Variants in TOX2 observed in about 807,000 individuals in gnomAD.
TOX2 encodes granulosa cell HMG box 1.
TOX2 carries 15 observed loss-of-function variants against 47.4 expected under a neutral mutation model. That is an observed-to-expected ratio of 0.32 (90% confidence interval 0.21 to 0.49). The LOEUF (loss-of-function observed/expected upper bound fraction) is 0.49. TOX2 is among the 20% of genes least tolerant of loss of function. The pLI is 0.99. For missense variants in TOX2, 622 were observed against 673.1 expected (o/e 0.92, Z 0.84); for synonymous variants, 290 against 296.6 (o/e 0.98, Z 0.23).
intron 1 of TOX2, among the ~76,000 whole-genome samples, chr20:43,949,421 A>G (rs2069522735): frequency 6.6e-6 from 1 of 152,198 alleles, no homozygotes; most frequent in South Asian, 2.1e-4. Context: ...CCTGATGCGC[A>G]CATCCCTCCC....
intron 2 of TOX2, among the ~76,000 whole-genome samples, chr20:43,985,222 G>A (rs985879461): frequency 6.6e-5 from 10 of 152,174 alleles, no homozygotes; most frequent in Non-Finnish European, 4.4e-5. Context: ...ATCTCTGAGG[G>A]ACCTTCCGGG....
At chr20:44,005,396 C>T (rs769504297) in intron 2 of TOX2, among the ~76,000 whole-genome samples, 7 of 152,214 alleles carry the variant, frequency 4.6e-5, no homozygotes, top group Non-Finnish European at 7.3e-5. Context: ...TAGGTCTAAT[C>T]TGTTCCAGAG....
intron 3 of TOX2, among the ~76,000 whole-genome samples, chr20:44,027,527 C>T (rs979387514): frequency 3.3e-5 from 5 of 152,272 alleles, no homozygotes; most frequent in African/African-American, 9.6e-5. Flanking sequence ...TTCTGTGTCT[C>T]CTGCTCCAGT....
chr20:44,048,143 C>G (rs1289455032), intron 3 of TOX2, among the ~76,000 whole-genome samples: 1 of 151,822 alleles, frequency 6.6e-6, no homozygotes, highest in Admixed American at 6.6e-5. Flanking sequence ...TGCTTGAACC[C>G]TGGAGGTGGA....
At chr20:43,972,791 C>G (rs930675107) in intron 1 of TOX2, among the ~76,000 whole-genome samples, 2 of 152,254 alleles carry the variant, frequency 1.3e-5, no homozygotes. Flanking sequence ...TCTCTGCACA[C>G]AGGATATAGT....
intron 1 of TOX2, among the ~76,000 whole-genome samples, chr20:43,922,535 C>A (rs1183081304): frequency 3.3e-5 from 5 of 152,172 alleles, no homozygotes; most frequent in Non-Finnish European, 7.4e-5. Context: ...TGACAGTCAT[C>A]TTATTTACAT....
chr20:44,040,107 G>A (rs1186717886), intron 3 of TOX2, among the ~76,000 whole-genome samples: 1 of 152,170 alleles, frequency 6.6e-6, no homozygotes, highest in Non-Finnish European at 1.5e-5. Context: ...GGGATGGGCA[G>A]GGTCTCACCA....
chr20:43,974,202 G>A (rs2070029182), intron 2 of TOX2, among the ~76,000 whole-genome samples: 1 of 151,912 alleles, frequency 6.6e-6, no homozygotes, highest in African/African-American at 2.4e-5. Context: ...TCTCACTCTA[G>A]GCTGAGATCA....
intron 3 of TOX2, chr20:44,038,966 G>C (rs1179145691): frequency 7.6e-6 from 9 of 1,185,482 alleles, no homozygotes; most frequent in African/African-American, 1.6e-5. Context: ...CCTCCTTCCT[G>C]GGGCGGGTGC....
rs1473696163 is a variant in TOX2 at position 44,053,224 on chromosome 20, G to GATC, written c.652-1072_652-1070dup. Reference sequence around the variant, plus strand: ...GAAGCCCTAAGTCAAGTGTTCACAGGATCATGGTCCTGCAGTCTGTCCAGA... The same window carrying GATC: ...GAAGCCCTAAGTCAAGTGTTCACAGGATCATCATGGTCCTGCAGTCTGTCCAGA... On this transcript the variant is annotated intron_variant, in intron 4 of 8. Coordinates refer to ENST00000341197, the MANE Select transcript of TOX2 (RefSeq NM_001098797.2). 2.0e-5 allele frequency among the ~76,000 whole-genome samples: 3 copies of GATC among 152,266 alleles called. No homozygotes were observed. The East Asian group carries it at 5.8e-4, about 29-fold the overall frequency.
intron 1 of TOX2, among the ~76,000 whole-genome samples, chr20:43,921,509 G>A (rs2069112415): frequency 3.9e-5 from 6 of 152,190 alleles, no homozygotes; most frequent in Admixed American, 2.6e-4. Context: ...TGGAGACCAT[G>A]TATGTGTAGC....
chr20:44,066,925 T>C (rs939820774), intron 8 of TOX2, 68 bp downstream of exon 8: 6 of 1,561,766 alleles, frequency 3.8e-6, no homozygotes, highest in Middle Eastern at 3.5e-4. Flanking sequence ...TGGCCAGGGA[T>C]GGGAGAATGG....
rs372992824 is a variant in TOX2, at chr20:44,065,618, G to A, written c.961-94G>A. 254 of 1,421,518 alleles carry A rather than the reference G, an allele frequency of 1.8e-4. 1 individual carries two copies. Among genetic ancestry groups the A allele is most frequent in the African/African-American group, 1.6e-3 (115 of 69,824 alleles). The allele number at this position is 1,421,518 out of a possible 1,614,324, so 88.1% of individuals were successfully genotyped here. A position where few individuals can be genotyped will look rare whatever the true frequency, so the allele number is the denominator to read the frequency against. On this transcript the variant is annotated intron_variant, in intron 6 of 8. Coordinates refer to ENST00000341197, the MANE Select transcript of TOX2 (RefSeq NM_001098797.2). ...CTCCCAAGACAGCCAGCCAGCAGCC[G>A]TGTCAGTGGGTTGCAGAGCCTCCTG...
At chr20:43,971,335 T>C (rs2069961238) in intron 1 of TOX2, among the ~76,000 whole-genome samples, 2 of 152,144 alleles carry the variant, frequency 1.3e-5, no homozygotes, top group African/African-American at 4.8e-5. Flanking sequence ...TAACAGGGAC[T>C]TCGGAACAAA....
At chr20:44,057,287 G>A (rs1362192334) in intron 5 of TOX2, among the ~76,000 whole-genome samples, 1 of 152,110 alleles carries the variant, frequency 6.6e-6, no homozygotes, top group African/African-American at 2.4e-5. Flanking sequence ...CAGTTATGTT[G>A]ACTAGGACTT....
intron 5 of TOX2, among the ~76,000 whole-genome samples, chr20:44,061,967 G>A (rs1191070918): frequency 2.0e-5 from 3 of 151,698 alleles, no homozygotes; most frequent in Non-Finnish European, 2.9e-5. Context: ...GCATAGAAGG[G>A]ACATACCTTA....
intron 6 of TOX2, 89 bp from the exon 7 acceptor site, chr20:44,065,623 A>T (rs1452272405): frequency 1.4e-6 from 2 of 1,446,392 alleles, no homozygotes; most frequent in Non-Finnish European, 1.9e-6. Context: ...CAGCCGTGTC[A>T]GTGGGTTGCA....
intron 1 of TOX2, among the ~76,000 whole-genome samples, chr20:43,922,284 T>G (rs1013383636): frequency 4.4e-4 from 67 of 152,204 alleles, no homozygotes; most frequent in African/African-American, 1.5e-3. Flanking sequence ...GCGGAATGTT[T>G]AGTCCTATCC....
intron 1 of TOX2, among the ~76,000 whole-genome samples, chr20:43,950,281 A>T (rs931069977): frequency 3.3e-5 from 5 of 152,184 alleles, no homozygotes; most frequent in African/African-American, 9.6e-5. Flanking sequence ...GGCCAAGCGG[A>T]TGTCAGCGGC....
Sources: gnomAD v4.1 joint callset for allele counts (sites outside exome capture counted in the v4.1 genomes callset) on GRCh38, gnomAD v4.1.1 for gene constraint, MANE v1.5 for transcripts, NCBI Gene and HGNC (gene_info 2026-07-23, HGNC 2026-07-21) for gene names.